The following PDE10A variants were observed in gnomAD, a reference collection of about 807,000 sequenced individuals.
PDE10A encodes cAMP and cAMP-inhibited cGMP 3',5'-cyclic phosphodiesterase 10A.
In PDE10A, 39 loss-of-function variants were observed where a neutral mutation model predicts 97.7. The observed-to-expected ratio is 0.40, with a 90% confidence interval of 0.31 to 0.52. The LOEUF (loss-of-function observed/expected upper bound fraction) is 0.52. Ranked by LOEUF, PDE10A falls within the 20% of genes least tolerant of loss-of-function variation. The pLI is 0.56. For synonymous variants in PDE10A, 371 were observed against 376.8 expected (o/e 0.98, Z 0.18); for missense variants, 731 against 1,047.8 (o/e 0.70, Z 4.17).
At chr6:165,337,717 T>C (rs1298159403) in intron 20 of PDE10A, among the ~76,000 whole-genome samples, 1 of 152,218 alleles carries the variant, frequency 6.6e-6, no homozygotes, top group African/African-American at 2.4e-5. Flanking sequence ...ATCAAACTAT[T>C]CTAAAACAAA....
At chr6:165,566,610 C>T (rs1784790626) in intron 1 of PDE10A, among the ~76,000 whole-genome samples, 1 of 152,074 alleles carries the variant, frequency 6.6e-6, no homozygotes, top group African/African-American at 2.4e-5. Flanking sequence ...AACATGATAC[C>T]AAGGAGAAGA....
chr6:165,339,406 T>C (rs749176848), intron 19 of PDE10A, 48 bp from the exon 20 acceptor site: 1 of 1,082,390 alleles, frequency 9.2e-7, no homozygotes, highest in East Asian at 2.4e-5. Flanking sequence ...TTCAAATTGC[T>C]ATACTATTTT....
At chr6:165,795,574 A>C (rs1169979380) in intron 1 of PDE10A, among the ~76,000 whole-genome samples, 1 of 120,848 alleles carries the variant, frequency 8.3e-6, no homozygotes, top group Non-Finnish European at 1.8e-5. Context: ...AAAAATACAA[A>C]AACAAACAAA....
intron 1 of PDE10A, among the ~76,000 whole-genome samples, chr6:165,854,872 G>T (rs1402667771): frequency 6.6e-6 from 1 of 152,200 alleles, no homozygotes; most frequent in African/African-American, 2.4e-5. Flanking sequence ...GCACAAAATC[G>T]CAGAAACACA....
At chr6:165,704,875 G>A (rs1036515442) in intron 1 of PDE10A, among the ~76,000 whole-genome samples, 2 of 152,156 alleles carry the variant, frequency 1.3e-5, no homozygotes, top group African/African-American at 2.4e-5. Flanking sequence ...TGACTCCATC[G>A]ACAGTCCATG....
At chr6:165,549,234 T>C (rs1229123877) in intron 1 of PDE10A, among the ~76,000 whole-genome samples, 3 of 152,244 alleles carry the variant, frequency 2.0e-5, no homozygotes, top group Non-Finnish European at 4.4e-5. Flanking sequence ...TAATCATTCA[T>C]TGTTCTATCA....
At chr6:165,400,626 A>T (rs745840240) in intron 13 of PDE10A, among the ~76,000 whole-genome samples, 3 of 152,246 alleles carry the variant, frequency 2.0e-5, no homozygotes, top group Non-Finnish European at 2.9e-5. Context: ...GTAAAAGAGT[A>T]CAGTCACTTT....
intron 1 of PDE10A, among the ~76,000 whole-genome samples, chr6:165,584,578 C>T (rs1785802483): frequency 6.6e-6 from 1 of 152,214 alleles, no homozygotes; most frequent in Admixed American, 6.5e-5. Flanking sequence ...TTGCTTATCC[C>T]AGCAAGTGAA....
At chr6:165,493,409 A>G (rs550063802) in intron 2 of PDE10A, among the ~76,000 whole-genome samples, 41 of 152,294 alleles carry the variant, frequency 2.7e-4, no homozygotes, top group Non-Finnish European at 4.4e-4. Flanking sequence ...ACAAATCCGG[A>G]GGCATCACAT....
intron 1 of PDE10A, among the ~76,000 whole-genome samples, chr6:165,601,905 G>A (rs1786972900): frequency 6.6e-6 from 1 of 152,112 alleles, no homozygotes; most frequent in Non-Finnish European, 1.5e-5. Flanking sequence ...TGCCCTGTTG[G>A]CCGTAATTAT....
In PDE10A at chr6:165,819,162, G is replaced by A. The variant is rs1369492612; in HGVS notation, c.-615+168367C>T. On this transcript the variant is annotated intron_variant, in intron 1 of 19. Coordinates refer to the PDE10A transcript ENST00000366882. This position sits in a 1 kb window ranked among gnomAD's most constrained non-coding sequence, Gnocchi z 4.2. ...AGTTTTCAAAACCGAGTTCATCTCT[G>A]CACCTGCTCCCTCATCTGCTCCCTC... is the stretch of plus-strand genomic sequence containing the variant. Among the ~76,000 whole-genome samples the A allele has an allele frequency of 6.6e-6, 1 of 152,078 alleles. No individual in the cohort carries two copies. The highest frequency in any genetic ancestry group is 1.5e-5 in the Non-Finnish European group (1 of 68,014).
intron 1 of PDE10A, among the ~76,000 whole-genome samples, chr6:165,926,672 A>C (rs757300629): frequency 6.6e-6 from 1 of 152,184 alleles, no homozygotes; most frequent in Non-Finnish European, 1.5e-5. Context: ...GAGAAAAATC[A>C]GACTTTCCAC....
At chr6:165,533,533 G>T (rs975895273) in intron 2 of PDE10A, among the ~76,000 whole-genome samples, 1 of 152,040 alleles carries the variant, frequency 6.6e-6, no homozygotes, top group African/African-American at 2.4e-5. Flanking sequence ...TCGTAGAGGT[G>T]GACTATATTT....
At chr6:165,514,301 T>C (rs749219144) in intron 2 of PDE10A, among the ~76,000 whole-genome samples, 14 of 152,228 alleles carry the variant, frequency 9.2e-5, no homozygotes, top group East Asian at 3.8e-4. Context: ...ACAGAAGAAG[T>C]TGAAATGCTT....
At chr6:165,498,423 CAAAAAAAAAAAAAAAAAAAAAA>C (rs35069498) in intron 2 of PDE10A, among the ~76,000 whole-genome samples, 346 of 22,894 alleles carry the variant, frequency 0.015, 9 homozygotes, top group African/African-American at 0.027. Flanking sequence ...ACCCTGTCTC[CAAAAAAAAAAAAAAAAAAAAAA>C]AAAAAAAAAA....
chr6:165,481,415 C>G (rs1779600377), intron 3 of PDE10A, among the ~76,000 whole-genome samples: 2 of 152,128 alleles, frequency 1.3e-5, no homozygotes, highest in African/African-American at 4.8e-5. Flanking sequence ...CTCCACACCC[C>G]CAACCCCCAG....
At chr6:165,719,835 G>A (rs1487513554) in intron 1 of PDE10A, among the ~76,000 whole-genome samples, 2 of 152,194 alleles carry the variant, frequency 1.3e-5, no homozygotes, top group Admixed American at 6.5e-5. Flanking sequence ...CTAATTGCAG[G>A]GAAAAGACAA....
At position 165,820,720 on chromosome 6, in the gene PDE10A, C is replaced by G. The variant is rs188312670; in HGVS notation, c.-615+166809G>C. ...GGAATGAAGACACGCACTTCCCTTT[C>G]CATTGCAGAAACCACAGGAGAACAA... On this transcript the variant is annotated intron_variant, in intron 1 of 19. Coordinates refer to the PDE10A transcript ENST00000366882. 1.0e-3 allele frequency among the ~76,000 whole-genome samples: 158 copies of G among 152,320 alleles called. 2 individuals are homozygous for G. Among genetic ancestry groups the G allele is most frequent in the African/African-American group, 3.7e-3 (152 of 41,562 alleles).
At chr6:165,485,294 C>G (rs1779839035) in intron 2 of PDE10A, among the ~76,000 whole-genome samples, 1 of 151,816 alleles carries the variant, frequency 6.6e-6, no homozygotes, top group South Asian at 2.1e-4. Context: ...CAGTGAAGCC[C>G]CGTCTCTACT....
Sources: allele counts gnomAD v4.1 joint callset (sites outside exome capture counted in the v4.1 genomes callset), GRCh38; gene constraint gnomAD v4.1.1; non-coding constraint Gnocchi (gnomAD v3.1); transcripts MANE v1.5; gene names NCBI Gene and HGNC (gene_info 2026-07-23, HGNC 2026-07-21).